ASB3: variants seen among roughly 807,000 people sequenced by gnomAD.
The protein encoded by ASB3 is ankyrin repeat and SOCS box containing 3.
Under a neutral mutation model 54.5 loss-of-function variants are expected in ASB3, and 41 were observed. The ratio of observed to expected loss-of-function variants is 0.75; its 90% CI spans 0.59 to 0.98. The LOEUF is 0.98. Ranked by LOEUF, ASB3 falls within the 50% of genes least tolerant of loss-of-function variation. The pLI is 0.00. For synonymous variants in ASB3, 266 were observed against 221.2 expected (o/e 1.20, Z -1.80); for missense variants, 733 against 620.0 (o/e 1.18, Z -1.94).
At chr2:53,713,269 T>A (rs1164769001) in intron 7 of ASB3, among the ~76,000 whole-genome samples, 1 of 152,214 alleles carries the variant, frequency 6.6e-6, no homozygotes, top group Non-Finnish European at 1.5e-5. Flanking sequence ...AGTAAATAAT[T>A]TCTTGATAAC....
chr2:53,768,768 T>C (rs555471020), intron 1 of ASB3, among the ~76,000 whole-genome samples: 2 of 152,358 alleles, frequency 1.3e-5, no homozygotes, highest in South Asian at 2.1e-4. Flanking sequence ...TACAAAGACA[T>C]TAATCTCAAT....
chr2:53,779,921 A>C (rs919432533), intron 1 of ASB3, among the ~76,000 whole-genome samples: 1 of 152,236 alleles, frequency 6.6e-6, no homozygotes, highest in South Asian at 2.1e-4. Flanking sequence ...TAACAAAGTC[A>C]AAATGAAGTT....
At chr2:53,758,319 G>C (rs1232748726) in intron 2 of ASB3, among the ~76,000 whole-genome samples, 1 of 152,182 alleles carries the variant, frequency 6.6e-6, no homozygotes, top group Admixed American at 6.5e-5. Context: ...ATACCGGCAA[G>C]GACTTAATCC....
intron 7 of ASB3, among the ~76,000 whole-genome samples, chr2:53,705,950 G>T (rs1354557128): frequency 6.6e-6 from 1 of 152,056 alleles, no homozygotes; most frequent in Admixed American, 6.6e-5. Flanking sequence ...GCACACATCC[G>T]GGCAAGGTGA....
intron 1 of ASB3, among the ~76,000 whole-genome samples, chr2:53,778,796 C>CCTTAG (rs1470647073): frequency 6.6e-6 from 1 of 152,072 alleles, no homozygotes; most frequent in Admixed American, 6.5e-5. Flanking sequence ...GTCTAAGGAC[C>CCTTAG]CTTAGGTTGA....
At chr2:53,678,310 C>A (rs1031015524) in intron 9 of ASB3, among the ~76,000 whole-genome samples, 4 of 152,166 alleles carry the variant, frequency 2.6e-5, no homozygotes, top group African/African-American at 9.7e-5. Flanking sequence ...TTCCCCACAA[C>A]CATCCCGCCT....
intron 2 of ASB3, among the ~76,000 whole-genome samples, chr2:53,757,759 C>A (rs542268711): frequency 5.3e-5 from 8 of 152,272 alleles, no homozygotes; most frequent in African/African-American, 1.7e-4. Context: ...TTATGTGGGA[C>A]CCATTCCCCA....
intron 9 of ASB3, among the ~76,000 whole-genome samples, chr2:53,673,737 C>T (rs149859496): frequency 2.6e-5 from 4 of 152,180 alleles, no homozygotes; most frequent in African/African-American, 9.7e-5. Context: ...ACCACTGAAA[C>T]TATCATAAAT....
intron 7 of ASB3, among the ~76,000 whole-genome samples, chr2:53,713,045 A>G (rs377182407): frequency 1.3e-4 from 20 of 152,232 alleles, no homozygotes; most frequent in Non-Finnish European, 2.5e-4. Flanking sequence ...ACTAAAATGT[A>G]TAAGTTTAAG....
At chr2:53,774,355 G>A in intron 1 of ASB3, 1 of 1,613,202 alleles carries the variant, frequency 6.2e-7, no homozygotes, top group Non-Finnish European at 8.5e-7. Context: ...AGACATTGCT[G>A]AACAAATTTT....
At chr2:53,747,266 C>T (rs984712958) in intron 3 of ASB3, among the ~76,000 whole-genome samples, 3 of 152,160 alleles carry the variant, frequency 2.0e-5, no homozygotes, top group African/African-American at 7.2e-5. Flanking sequence ...AAGAATACAG[C>T]TGGGCACAGT....
intron 7 of ASB3, among the ~76,000 whole-genome samples, chr2:53,702,304 AGC>A (rs1297114696): frequency 6.6e-6 from 1 of 152,196 alleles, no homozygotes; most frequent in African/African-American, 2.4e-5. Context: ...GCATGCCCTG[AGC>A]TTCTGGGAAG....
chr2:53,760,037 C>T (rs181115522), intron 2 of ASB3, among the ~76,000 whole-genome samples: 29 of 152,290 alleles, frequency 1.9e-4, no homozygotes, highest in Admixed American at 1.1e-3. Flanking sequence ...CTAGGACAGG[C>T]AGTCACTATA....
At chr2:53,753,327 G>T (rs1157339312) in intron 2 of ASB3, among the ~76,000 whole-genome samples, 1 of 152,118 alleles carries the variant, frequency 6.6e-6, no homozygotes, top group Non-Finnish European at 1.5e-5. Context: ...TGAATACTAA[G>T]AACAAACAAA....
intron 5 of ASB3, among the ~76,000 whole-genome samples, chr2:53,719,067 T>C (rs1670555223): frequency 6.6e-6 from 1 of 152,088 alleles, no homozygotes; most frequent in African/African-American, 2.4e-5. Context: ...ACTACAGGCA[T>C]GCACTACCAC....
At position 53,714,483 on chromosome 2, in the gene ASB3, T is replaced by C. The variant is rs750182921; in HGVS notation, c.881A>G (p.Asp294Gly). Reference protein sequence around the residue: ...VYSAVFGGHEDCLEILLRNGY... With the variant: ...VYSAVFGGHEGCLEILLRNGY... ...ATTCCGGAGTAATATTTCTAGGCAA[T>C]CTTCATGTCCCCCAAACACTGCTGA... Residue 294 changes from aspartate to glycine, a missense_variant, in exon 7 of 10, where the codon GAT becomes GGT. Physicochemically the swap from Asp to Gly is moderately conservative, Grantham distance 94. Transcript: ENST00000263634. 191 of 1,614,118 alleles carry C rather than the reference T, an allele frequency of 1.2e-4. 1 individual carries two copies. Among genetic ancestry groups the C allele is most frequent in the Non-Finnish European group, 1.5e-4 (179 of 1,180,036 alleles).
At chr2:53,723,315 T>C (rs1209198687) in intron 5 of ASB3, among the ~76,000 whole-genome samples, 1 of 152,184 alleles carries the variant, frequency 6.6e-6, no homozygotes, top group Non-Finnish European at 1.5e-5. Flanking sequence ...TTTTTTCCCC[T>C]GTTAAATGTC....
chr2:53,758,115 C>A (rs576860367), intron 2 of ASB3, among the ~76,000 whole-genome samples: 1 of 152,120 alleles, frequency 6.6e-6, no homozygotes, highest in Non-Finnish European at 1.5e-5. Flanking sequence ...AATTTAAAAC[C>A]TATAATTGAT....
At chr2:53,742,139 T>G (rs1671965203) in intron 3 of ASB3, among the ~76,000 whole-genome samples, 1 of 152,236 alleles carries the variant, frequency 6.6e-6, no homozygotes, top group Admixed American at 6.5e-5. Flanking sequence ...CAAAGTGGTC[T>G]ATCTCTGCTA....
Sources: gnomAD v4.1 joint callset for allele counts (sites outside exome capture counted in the v4.1 genomes callset) on GRCh38, gnomAD v4.1.1 for gene constraint, MANE v1.5 for transcripts, NCBI Gene and HGNC (gene_info 2026-07-23, HGNC 2026-07-21) for gene names.